Variants in GBP2 observed in about 807,000 individuals in gnomAD.
GBP2 encodes the protein guanylate binding protein 2, also known as guanylate-binding protein 2.
In GBP2, 54 loss-of-function variants were observed where a neutral mutation model predicts 60.8. The observed-to-expected ratio is 0.89, with a 90% confidence interval of 0.71 to 1.11. The LOEUF (loss-of-function observed/expected upper bound fraction) is 1.11. Among genes scored for constraint, GBP2 ranks in the 50% most tolerant of loss-of-function variants. GBP2 has a pLI of 0.00. For synonymous variants in GBP2, 243 were observed against 256.5 expected, an observed-to-expected ratio of 0.95 and a Z score of 0.50; for missense variants, 665 against 703.3, an observed-to-expected ratio of 0.95 and a Z score of 0.62.
At chr1:89,108,398 T>A in intron 10 of GBP2, 107 bp from the exon 11 acceptor site, 1 of 656,516 alleles carries the variant, frequency 1.5e-6, no homozygotes, top group Non-Finnish European at 2.6e-6. Context: ...TGACTATCAC[T>A]CTCTTCTGAG....
chr1:89,110,382 G>A, intron 8 of GBP2, 116 bp from the exon 9 acceptor site: 1 of 762,890 alleles, frequency 1.3e-6, no homozygotes, highest in Non-Finnish European at 2.2e-6. Flanking sequence ...AAAGATACTT[G>A]CATACGCATG....
rs998376711 is a variant in GBP2 at position 89,107,928 on chromosome 1, T to C, written c.*247A>G. 5.1e-5 allele frequency: 17 copies of C among 335,850 alleles called. No homozygotes were observed. The highest frequency in any genetic ancestry group is 8.3e-5 in the Non-Finnish European group (15 of 181,486). 20.8% of individuals were successfully genotyped at this position (335,850 alleles called of 1,614,324 possible). A position where few individuals can be genotyped will look rare whatever the true frequency, so the allele number is the denominator to read the frequency against. On this transcript the variant is annotated 3_prime_UTR_variant, in exon 11 of 11. Transcript: ENST00000370466. ...TTGAGTCCTTGTGTATGATTTCAAA[T>C]ATAGGATTTAGTTAAAGATCATATT...
chr1:89,121,327 T>C (rs1030410464), intron 2 of GBP2, 57 bp from the exon 3 acceptor site: 2 of 1,449,888 alleles, frequency 1.4e-6, no homozygotes, highest in Non-Finnish European at 1.9e-6. Context: ...TTTCTGGAAA[T>C]TGAGATAAAA....
chr1:89,110,873 A>G (rs1353016908), intron 8 of GBP2, among the ~76,000 whole-genome samples: 1 of 152,208 alleles, frequency 6.6e-6, no homozygotes, highest in Non-Finnish European at 1.5e-5. Flanking sequence ...AAACTCTACA[A>G]TATCTCTAAT....
At chr1:89,118,595 A>G (rs186696419) in intron 4 of GBP2, 5 of 152,320 alleles carry the variant, frequency 3.3e-5, no homozygotes, top group African/African-American at 9.6e-5. Flanking sequence ...TCTGTGAGTC[A>G]AGTGTGTATG....
Position 89,106,696 on chromosome 1 carries a change from A to G in GBP2, c.*1479T>C, listed in dbSNP as rs536902770. On this transcript the variant is annotated 3_prime_UTR_variant, in exon 11 of 11. Coordinates refer to ENST00000370466, the MANE Select transcript of GBP2 (RefSeq NM_004120.5). ...TCCCACGTTATTAGTTTCTTCCTCC[A>G]AAAGTAGAAGACAAAAATACTCTAA... The G allele has an allele frequency of 2.1e-4, 32 of 152,344 alleles. No homozygotes were observed. Among genetic ancestry groups the G allele is most frequent in the African/African-American group, 7.7e-4 (32 of 41,578 alleles). 9.4% of individuals were successfully genotyped at this position (152,344 alleles called of 1,614,324 possible).
rs765975181 is a variant in GBP2 at position 89,114,149 on chromosome 1, T to C, written c.1016A>G (p.Gln339Arg). ...GGTTTCCGTGGGCAGCTGCACCTTCTGGCCCATCTGCTGTTCATAGTGGGC... is the reference window on the plus strand; with the variant it reads ...GGTTTCCGTGGGCAGCTGCACCTTCCGGCCCATCTGCTGTTCATAGTGGGC... ...AIAHYEQQMG[Q>R]KVQLPTETLQ... Residue 339 changes from glutamine (Q) to arginine (R), a missense_variant, in exon 7 of 11, where the codon CAG becomes CGG. Physicochemically the swap from Gln to Arg is conservative, Grantham distance 43. Coordinates refer to ENST00000370466, the MANE Select transcript of GBP2 (RefSeq NM_004120.5). 4 of 1,614,242 alleles carry C rather than the reference T, an allele frequency of 2.5e-6. No homozygotes were observed. The highest frequency in any genetic ancestry group is 3.4e-6 in the Non-Finnish European group (4 of 1,180,038).
chr1:89,110,727 A>G (rs6428502), intron 8 of GBP2, among the ~76,000 whole-genome samples: 102,588 of 152,048 alleles, frequency 0.67, 34,880 homozygotes, highest in East Asian at 0.8. Context: ...GGGAAAGGAG[A>G]GGGGGCAAGG....
intron 4 of GBP2, chr1:89,118,269 T>C (rs934435261): frequency 6.5e-6 from 1 of 152,996 alleles, no homozygotes; most frequent in African/African-American, 2.4e-5. Context: ...GACATTGTAG[T>C]TGAGCAGTGA....
rs1306825558 is a variant in GBP2, at chr1:89,117,076, C to T, written c.784G>A (p.Glu262Lys). The T allele has an allele frequency of 6.2e-7, 1 of 1,614,136 alleles. No individual in the cohort carries two copies. Among genetic ancestry groups the T allele is most frequent in the East Asian group, 2.2e-5 (1 of 44,876 alleles). The change falls in exon 6 of 11, where the codon GAA becomes AAA. Residue 262 changes from glutamate (E) to lysine (K), a missense_variant. By Grantham distance (56) the Glu-to-Lys change is moderately conservative. Coordinates refer to ENST00000370466, the MANE Select transcript of GBP2 (RefSeq NM_004120.5). ...KEEELNPDFI[E>K]QVAEFCSYIL... ...TAGGAACAAAATTCTGCAACTTGTT[C>T]TATGAAATCAGGGTTCAGCTCTTCC... is the stretch of plus-strand genomic sequence containing the variant.
At chr1:89,116,912 C>G (rs1465488764) in intron 6 of GBP2, 80 bp downstream of exon 6, 3 of 1,436,948 alleles carry the variant, frequency 2.1e-6, no homozygotes, top group African/African-American at 2.8e-5. Flanking sequence ...CAGAAGTGAC[C>G]CTTATGCTTT....
At position 89,120,238 on chromosome 1, in the gene GBP2, G is replaced by A; in HGVS notation, c.369C>T (p.Ser123=). The change falls in exon 4 of 11, where the codon AGC becomes AGT. Residue 123 remains serine (S), a synonymous_variant. Coordinates refer to ENST00000370466, the MANE Select transcript of GBP2 (RefSeq NM_004120.5). ...CCATGCTATTGTACACGAAGGTGCTGCTCAGGAGGATGGCCAAGGCAAAGA... is the reference window on the plus strand; with the variant it reads ...CCATGCTATTGTACACGAAGGTGCTACTCAGGAGGATGGCCAAGGCAAAGA... ...SWIFALAILL[S]STFVYNSMGT... is the part of the protein sequence containing the mutation. 6.2e-7 allele frequency: 1 copy of A among 1,613,968 alleles called. No individual in the cohort carries two copies. The highest frequency in any genetic ancestry group is 8.5e-7 in the Non-Finnish European group (1 of 1,179,878).
In GBP2 at chr1:89,106,201, A is replaced by C. The variant is rs1681049677; in HGVS notation, c.*1974T>G. 1 of 152,212 alleles carries C rather than the reference A, an allele frequency of 6.6e-6. No individual in the cohort carries two copies. The highest frequency in any genetic ancestry group is 1.5e-5 in the Non-Finnish European group (1 of 68,040). 9.4% of individuals were successfully genotyped at this position (152,212 alleles called of 1,614,324 possible). On this transcript the variant is annotated 3_prime_UTR_variant, in exon 11 of 11. Transcript: ENST00000370466. ...ATTTATCTGAGAGTGACTAATGAAC[A>C]AACAGGAAAGAAATGTTCCGATTAA...
chr1:89,109,871 C>T lies in GBP2; in HGVS notation c.1466-1G>A. The T allele has an allele frequency of 6.2e-7, 1 of 1,607,610 alleles. No individual in the cohort carries two copies. The highest frequency in any genetic ancestry group is 8.5e-7 in the Non-Finnish European group (1 of 1,177,792). ...GCAGATTCAGCCTTTATACGTTCCACTGTGGAAGAAAAATAAGCAGAAAAA... is the reference window on the plus strand; with the variant it reads ...GCAGATTCAGCCTTTATACGTTCCATTGTGGAAGAAAAATAAGCAGAAAAA... On this transcript the variant is annotated splice_acceptor_variant, in intron 9 of 10. Transcript: ENST00000370466. LOFTEE classifies it high-confidence loss of function.
At chr1:89,118,518 G>A (rs1022875962) in intron 4 of GBP2, 3 of 152,126 alleles carry the variant, frequency 2.0e-5, no homozygotes, top group Non-Finnish European at 4.4e-5. Flanking sequence ...AGTCATTGGT[G>A]GGTATTAAGT....
chr1:89,117,556 C>G (rs753338590), intron 5 of GBP2, 21 bp downstream of exon 5: 2 of 1,592,272 alleles, frequency 1.3e-6, no homozygotes, highest in South Asian at 2.2e-5. Flanking sequence ...TATTACCCAA[C>G]CAAGCATCAG....
At chr1:89,118,916 A>G (rs1203694482) in intron 4 of GBP2, 2 of 152,192 alleles carry the variant, frequency 1.3e-5, no homozygotes, top group Non-Finnish European at 2.9e-5. Flanking sequence ...TTTAGGCTCA[A>G]GATGTCTCTT....
Position 89,108,076 on chromosome 1 carries a change from G to T in GBP2, c.*99C>A. On this transcript the variant is annotated 3_prime_UTR_variant, in exon 11 of 11. Coordinates refer to ENST00000370466, the MANE Select transcript of GBP2 (RefSeq NM_004120.5). ...AAAAATGCATGCATCATGATTTTGA[G>T]TTAAGTTTAATGGCAGTTGTTTGAC... 1 of 686,210 alleles carries T rather than the reference G, an allele frequency of 1.5e-6. No individual in the cohort carries two copies. The highest frequency in any genetic ancestry group is 2.5e-6 in the Non-Finnish European group (1 of 392,346). 42.5% of individuals were successfully genotyped at this position (686,210 alleles called of 1,614,324 possible).
chr1:89,117,272 T>G, intron 5 of GBP2, 38 bp from the exon 6 acceptor site: 1 of 1,520,844 alleles, frequency 6.6e-7, no homozygotes, highest in Non-Finnish European at 9.1e-7. Flanking sequence ...AAACTTCAAA[T>G]TAATTACTTC....
Sources: allele counts gnomAD v4.1 joint callset (sites outside exome capture counted in the v4.1 genomes callset), GRCh38; gene constraint gnomAD v4.1.1; transcripts MANE v1.5; gene names NCBI Gene and HGNC (gene_info 2026-07-23, HGNC 2026-07-21).